MIA2: variants seen among roughly 807,000 people sequenced by gnomAD.
MIA2 encodes MIA SH3 domain ER export factor 2.
MIA2 carries 127 observed loss-of-function variants against 167.8 expected under a neutral mutation model. The ratio of observed to expected loss-of-function variants is 0.76; its 90% CI spans 0.66 to 0.88. The LOEUF (loss-of-function observed/expected upper bound fraction) is 0.88, where lower values mean the gene tolerates loss of function less well. Among genes scored for constraint, MIA2 ranks in the 40% least tolerant of loss-of-function variants. The pLI, the probability that MIA2 is intolerant of heterozygous loss-of-function variation, is 0.00. For synonymous variants in MIA2, 552 were observed against 541.9 expected (o/e 1.02, Z -0.26); for missense variants, 1,690 against 1,624.7 (o/e 1.04, Z -0.69).
chr14:39,336,375 C>G (rs1214715989), intron 25 of MIA2, among the ~76,000 whole-genome samples: 1 of 152,160 alleles, frequency 6.6e-6, no homozygotes, highest in Non-Finnish European at 1.5e-5. Flanking sequence ...CAAGTATACA[C>G]CTAGTTTCTT....
chr14:39,337,005 C>T (rs1255481386), intron 25 of MIA2, among the ~76,000 whole-genome samples: 1 of 152,174 alleles, frequency 6.6e-6, no homozygotes, highest in Non-Finnish European at 1.5e-5. Flanking sequence ...GTCCTCCCTC[C>T]TCAGCCTCCT....
intron 1 of MIA2, among the ~76,000 whole-genome samples, chr14:39,236,197 T>C (rs1222340526): frequency 2.0e-5 from 3 of 152,144 alleles, no homozygotes; most frequent in Non-Finnish European, 4.4e-5. Context: ...TAAATAGTGA[T>C]GCAGCCTAGT....
chr14:39,370,581 C>T, intron 23 of MIA2: 1 of 365,988 alleles, frequency 2.7e-6, no homozygotes, highest in South Asian at 2.3e-5. Flanking sequence ...CGCATTGGGG[C>T]TGCTCCGGCA....
In MIA2 at chr14:39,294,007, A is replaced by G; in HGVS notation, c.2327A>G (p.Asp776Gly). 1.2e-6 allele frequency: 2 copies of G among 1,608,360 alleles called. No individual in the cohort carries two copies. The highest frequency in any genetic ancestry group is 1.7e-4 in the Middle Eastern group (1 of 6,044). Residue 776 changes from aspartate (D) to glycine (G), a missense_variant, in exon 12 of 29, where the codon GAT becomes GGT. Coordinates refer to ENST00000640607, the MANE Select transcript of MIA2 (RefSeq NM_001329214.4). The part of the protein sequence containing the change: ...KHSEQDELMA[D>G]ISKRIQSLED... ...CTGATACTGTGTTTCTAGATGGCGG[A>G]TATTTCAAAAAGGATACAGTCTCTA...
downstream of MIA2, chr14:39,351,390 A>C (rs555182740): frequency 6.6e-6 from 1 of 151,344 alleles, no homozygotes; most frequent in South Asian, 2.1e-4. Context: ...AAAAAAAAAA[A>C]CAAAAAACAA....
chr14:39,387,035 C>G, exon 24 of MIA2: 1 of 716,252 alleles, frequency 1.4e-6, no homozygotes, highest in Non-Finnish European at 2.4e-6. Context: ...GAAGGCCCTA[C>G]AGTGCCGGGT....
At chr14:39,386,034 GC>G (rs1383077380) in intron 23 of MIA2, 38 of 1,068,236 alleles carry the variant, frequency 3.6e-5, no homozygotes, top group Non-Finnish European at 5.1e-5. Flanking sequence ...ACAACTCTGG[GC>G]CCGGACAACC....
intron 25 of MIA2, among the ~76,000 whole-genome samples, chr14:39,340,389 T>C (rs953495463): frequency 2.6e-5 from 4 of 152,192 alleles, no homozygotes; most frequent in East Asian, 1.9e-4. Flanking sequence ...AAGAGACATA[T>C]AGTGTACAGC....
At chr14:39,378,504 T>A (rs1333353938) in intron 23 of MIA2, among the ~76,000 whole-genome samples, 1 of 152,144 alleles carries the variant, frequency 6.6e-6, no homozygotes, top group East Asian at 1.9e-4. Flanking sequence ...TATAAAAGGA[T>A]CAAAGTAAAA....
At chr14:39,377,789 A>T (rs78754347) in intron 23 of MIA2, among the ~76,000 whole-genome samples, 5,106 of 151,798 alleles carry the variant, frequency 0.034, 311 homozygotes, top group African/African-American at 0.12. Flanking sequence ...GCTTTGCTGG[A>T]AACTTTTTTT....
rs1222644213 is a variant in MIA2 at position 39,298,421 on chromosome 14, A to G, written c.2497-1443A>G. 4.0e-4 allele frequency among the ~76,000 whole-genome samples: 8 copies of G among 19,784 alleles called. 1 individual carries two copies. The highest frequency in any genetic ancestry group is 2.5e-3 in the African/African-American group (8 of 3,172). The allele number at this position is 19,784 out of a possible 152,430, so 13.0% of individuals were successfully genotyped here. ...TATCATCTGATTCTGTTTTATATAT[A>G]TATATATATATATATATATATAAAG... On this transcript the variant is annotated intron_variant, in intron 13 of 28. Coordinates refer to ENST00000640607, the MANE Select transcript of MIA2 (RefSeq NM_001329214.4).
At chr14:39,354,842 C>G (rs8021494), downstream of MIA2, among the ~76,000 whole-genome samples, 141,565 of 152,192 alleles carry the variant, frequency 0.93, 65,940 homozygotes, top group East Asian at 0.96. Context: ...TCTTGTTTTT[C>G]TCAGGTTTGT....
chr14:39,311,466 CTTTTTTTTTTTTTTTT>C (rs35478238), intron 18 of MIA2, among the ~76,000 whole-genome samples: 1 of 43,322 alleles, frequency 2.3e-5, no homozygotes, highest in Non-Finnish European at 4.0e-5. Context: ...TGATGTGTTG[CTTTTTTTTTTTTTTTT>C]TTTTTTTTTT....
chr14:39,259,389 T>G (rs920456813), intron 6 of MIA2, among the ~76,000 whole-genome samples: 2 of 152,252 alleles, frequency 1.3e-5, no homozygotes, highest in African/African-American at 4.8e-5. Flanking sequence ...CTGACTCTCC[T>G]GATTCAACAA....
chr14:39,362,375 G>C (rs929453613), intron 23 of MIA2, among the ~76,000 whole-genome samples: 1 of 152,116 alleles, frequency 6.6e-6, no homozygotes, highest in Non-Finnish European at 1.5e-5. Context: ...CTTGTTATTG[G>C]TCTGTTCAGG....
At chr14:39,269,130 A>G (rs1209689613) in intron 6 of MIA2, 1 of 829,732 alleles carries the variant, frequency 1.2e-6, no homozygotes, top group Non-Finnish European at 1.4e-6. Flanking sequence ...CCTGGGGGCT[A>G]GGATGGCACA....
At chr14:39,237,642 T>C (rs534351091) in intron 2 of MIA2, among the ~76,000 whole-genome samples, 11 of 152,310 alleles carry the variant, frequency 7.2e-5, no homozygotes, top group African/African-American at 2.6e-4. Flanking sequence ...ATGCATTGTT[T>C]TTAAAATTAT....
At chr14:39,261,968 T>C (rs1371641602) in intron 6 of MIA2, among the ~76,000 whole-genome samples, 2 of 152,208 alleles carry the variant, frequency 1.3e-5, no homozygotes, top group Non-Finnish European at 2.9e-5. Flanking sequence ...GTAGTTTCTT[T>C]TGCTGTGCAG....
chr14:39,242,841 G>C (rs192919885), intron 3 of MIA2, among the ~76,000 whole-genome samples: 4 of 152,052 alleles, frequency 2.6e-5, no homozygotes, highest in Admixed American at 2.6e-4. Flanking sequence ...AGCGGGACTT[G>C]GCTGGGCATT....
Sources: allele counts gnomAD v4.1 joint callset (sites outside exome capture counted in the v4.1 genomes callset), GRCh38; gene constraint gnomAD v4.1.1; transcripts MANE v1.5; gene names NCBI Gene and HGNC (gene_info 2026-07-23, HGNC 2026-07-21).